The following RIF1 variants were observed in gnomAD, a reference collection of about 807,000 sequenced individuals.
RIF1 encodes replication timing regulatory factor 1.
In RIF1, 45 loss-of-function variants were observed where a neutral mutation model predicts 247.1. The observed-to-expected ratio is 0.18, with a 90% CI of 0.14 to 0.23. RIF1 has a LOEUF of 0.23. RIF1 is among the 10% of genes least tolerant of loss of function. The pLI is 1.00. For synonymous variants in RIF1, 1,087 were observed against 978.8 expected (o/e 1.11, Z -2.06); for missense variants, 2,967 against 2,862.5 (o/e 1.04, Z -0.83).
Position 151,465,022 on chromosome 2 carries a change from T to G in RIF1, c.5502T>G (p.Phe1834Leu), listed in dbSNP as rs759996496. The G allele has an allele frequency of 6.3e-7, 1 of 1,579,288 alleles. No individual in the cohort carries two copies. Among genetic ancestry groups the G allele is most frequent in the Non-Finnish European group, 8.5e-7 (1 of 1,170,624 alleles). Residue 1834 changes from phenylalanine to leucine, a missense_variant, in exon 30 of 36, where the codon TTT (phenylalanine) becomes TTG (leucine). Phe to Leu is a conservative substitution (Grantham distance 22, BLOSUM62 0). This residue lies in a region of RIF1 where 2,028 missense variants were observed against 1,825.6 expected (regional missense o/e 1.11). Coordinates refer to ENST00000444746, the MANE Select transcript of RIF1 (RefSeq NM_018151.5). ...CTCTTCCTTCTGGAATAGTAAACTTTAGAGAGGAAATTTGTGATATGGATT... is the reference window on the plus strand; with the variant it reads ...CTCTTCCTTCTGGAATAGTAAACTTGAGAGAGGAAATTTGTGATATGGATT... ...QESLPSGIVN[F>L]REEICDMDSS...
At chr2:151,514,585 C>T in the RIF1 span, among the ~76,000 whole-genome samples, 3 of 152,170 alleles carry the variant, frequency 2.0e-5, no homozygotes, top group Non-Finnish European at 4.4e-5. Flanking sequence ...GATCAGTTAA[C>T]ATTAAATATC....
At chr2:151,506,857 G>A in intron 13 of RIF1, 8 of 1,159,988 alleles carry the variant, frequency 6.9e-6, no homozygotes, top group Non-Finnish European at 1.0e-5. Flanking sequence ...TTTTAAAGAG[G>A]AGAGTGAAAT....
At chr2:151,468,596 C>T (rs1697320153) in intron 32 of RIF1, 45 bp downstream of exon 32, 1 of 1,601,116 alleles carries the variant, frequency 6.2e-7, no homozygotes, top group African/African-American at 1.3e-5. Context: ...TTTTCATGTT[C>T]AGTCAGTTGA....
At chr2:151,417,909 A>G (rs1687490089) in intron 6 of RIF1, among the ~76,000 whole-genome samples, 1 of 152,186 alleles carries the variant, frequency 6.6e-6, no homozygotes, top group African/African-American at 2.4e-5. Flanking sequence ...TGTACAGTAT[A>G]TTACTGTACT....
the RIF1 span, chr2:151,530,989 C>T: frequency 1.3e-6 from 2 of 1,598,064 alleles, no homozygotes; most frequent in Non-Finnish European, 1.7e-6. Flanking sequence ...CATTCTAGTA[C>T]TTACATCACT....
intron 20 of RIF1, among the ~76,000 whole-genome samples, 193 bp downstream of exon 20, chr2:151,446,768 A>G (rs1448293732): frequency 6.6e-6 from 1 of 152,130 alleles, no homozygotes; most frequent in African/African-American, 2.4e-5. Context: ...TGGGATCATT[A>G]ATAGTGAAGA....
At chr2:151,418,586 C>T (rs1381903303) in intron 6 of RIF1, among the ~76,000 whole-genome samples, 1 of 151,856 alleles carries the variant, frequency 6.6e-6, no homozygotes, top group Non-Finnish European at 1.5e-5. Context: ...TGGTTCAGGC[C>T]TGTAAGAATA....
chr2:151,492,658 C>T, intron 9 of RIF1: 1 of 427,472 alleles, frequency 2.3e-6, no homozygotes, highest in East Asian at 3.4e-5. Flanking sequence ...ATCTGGGGAC[C>T]AGAAGGGCCC....
the RIF1 span, among the ~76,000 whole-genome samples, chr2:151,523,476 A>C: frequency 6.6e-6 from 1 of 152,222 alleles, no homozygotes; most frequent in Non-Finnish European, 1.5e-5. Context: ...CAGATACCTG[A>C]GAGGACAAGG....
At chr2:151,493,722 T>C (rs1359742541) in intron 9 of RIF1, 3 of 1,321,840 alleles carry the variant, frequency 2.3e-6, no homozygotes, top group African/African-American at 1.5e-5. Flanking sequence ...GGTACAACCA[T>C]GTTTGCCAGG....
rs1374014753 is a variant in RIF1 at position 151,479,488 on chromosome 2, T to A, written c.*4417T>A. The A allele has an allele frequency of 6.6e-6, 1 of 152,184 alleles. No homozygotes were observed. The highest frequency in any genetic ancestry group is 2.4e-5 in the African/African-American group (1 of 41,446). The allele number at this position is 152,184 out of a possible 1,614,324, so 9.4% of individuals were successfully genotyped here. ...AATAAATCTTGCCTTCTATTATGGA[T>A]CATCGTTATTAATAAACATGGAAAA... On this transcript the variant is annotated 3_prime_UTR_variant, in exon 36 of 36. Transcript: ENST00000444746.
the RIF1 span, chr2:151,518,954 A>C: frequency 6.3e-7 from 1 of 1,586,766 alleles, no homozygotes; most frequent in Non-Finnish European, 8.7e-7. Flanking sequence ...GGAGCAAATG[A>C]CTGAGCTTAC....
intron 3 of RIF1, among the ~76,000 whole-genome samples, chr2:151,411,942 CT>C (rs1686311018): frequency 6.6e-6 from 1 of 152,226 alleles, no homozygotes; most frequent in East Asian, 1.9e-4. Context: ...GCACTTGAAT[CT>C]GAGTTTGTGC....
At chr2:151,505,365 A>G in intron 12 of RIF1, 1 of 932,480 alleles carries the variant, frequency 1.1e-6, no homozygotes, top group Non-Finnish European at 1.7e-6. Context: ...AGAATTCACA[A>G]CATCCCCAAG....
chr2:151,464,239 AAAC>A lies in RIF1; in HGVS notation c.4722_4724del (p.Asn1574del). On this transcript the variant is annotated inframe_deletion, in exon 30 of 36. Coordinates refer to ENST00000444746, the MANE Select transcript of RIF1 (RefSeq NM_018151.5). ...GGAAGAAGAGATCTGGAAAATGGAA[AAAC>A]AAAAGCAATGAAAGTGTTGACATTC... 1.2e-6 allele frequency: 2 copies of A among 1,613,970 alleles called. No individual in the cohort carries two copies. Among genetic ancestry groups the A allele is most frequent in the Non-Finnish European group, 1.7e-6 (2 of 1,179,984 alleles).
rs148215725 is a variant in RIF1, at chr2:151,464,360, A to G, written c.4840A>G (p.Ile1614Val). Reference sequence around the variant, plus strand: ...AGCAACTTCTGAAGAAGATGTAAGCATAAAATCTCCGATTTGCGAAAAACA... The same window carrying G: ...AGCAACTTCTGAAGAAGATGTAAGCGTAAAATCTCCGATTTGCGAAAAACA... ...YKATSEEDVS[I>V]KSPICEKQDE... Residue 1614 changes from isoleucine (I) to valine (V), a missense_variant, in exon 30 of 36, where the codon ATA (isoleucine) becomes GTA (valine). Physicochemically the swap from Ile to Val is conservative, Grantham distance 29. Transcript: ENST00000444746. The G allele has an allele frequency of 5.0e-6, 8 of 1,610,890 alleles. No individual in the cohort carries two copies. The highest frequency in any genetic ancestry group is 6.8e-6 in the Non-Finnish European group (8 of 1,179,098).
rs1558921689 is a variant in RIF1, at chr2:151,411,334, T to C, written c.179T>C (p.Leu60Ser). 6.4e-7 allele frequency: 1 copy of C among 1,561,008 alleles called. No individual in the cohort carries two copies. The change falls in exon 3 of 36, where the codon TTA (leucine) becomes TCA (serine). Residue 60 changes from leucine (L) to serine (S), a missense_variant. Leu to Ser is a moderately radical substitution (Grantham distance 145, BLOSUM62 -2). Coordinates refer to ENST00000444746, the MANE Select transcript of RIF1 (RefSeq NM_018151.5). ...EKKLPRLYKV[L>S]KTHISSQNSE... is the part of the protein sequence containing the mutation. ...AAACTTCCTCGGCTGTACAAAGTTTTAAAGGTATGTATCTGTTTGTTAAAC... is the reference window on the plus strand; with the variant it reads ...AAACTTCCTCGGCTGTACAAAGTTTCAAAGGTATGTATCTGTTTGTTAAAC...
chr2:151,420,691 C>T (rs554032792), intron 7 of RIF1, among the ~76,000 whole-genome samples: 24 of 145,958 alleles, frequency 1.6e-4, no homozygotes, highest in Admixed American at 5.6e-4. Flanking sequence ...GCTATGATCT[C>T]ACCACTGCAT....
intron 10 of RIF1, among the ~76,000 whole-genome samples, chr2:151,434,248 G>C (rs1690722280): frequency 6.6e-6 from 1 of 150,912 alleles, no homozygotes; most frequent in African/African-American, 2.4e-5. Flanking sequence ...TTTATTTCTT[G>C]CTCCGTTTTC....
Sources: gnomAD v4.1 joint callset for allele counts (sites outside exome capture counted in the v4.1 genomes callset) on GRCh38, gnomAD v4.1.1 for gene constraint, gnomAD v4.1.1 regional missense constraint, MANE v1.5 for transcripts, NCBI Gene and HGNC (gene_info 2026-07-23, HGNC 2026-07-21) for gene names.